TRPM3: variants seen among roughly 807,000 people sequenced by gnomAD.
TRPM3 encodes long transient receptor potential channel 3.
In TRPM3, 77 loss-of-function variants were observed where a neutral mutation model predicts 181.2. The observed-to-expected ratio is 0.42, with a 90% CI of 0.35 to 0.51. The LOEUF (loss-of-function observed/expected upper bound fraction) is 0.51. Among genes scored for constraint, TRPM3 ranks in the 20% least tolerant of loss-of-function variants. The probability of loss-of-function intolerance (pLI) is 0.01; values close to 1 mark genes in which losing one functional copy is unlikely to be tolerated. For missense variants in TRPM3, 1,759 were observed against 2,196.7 expected, an observed-to-expected ratio of 0.80 and a Z score of 3.98; for synonymous variants, 745 against 796.4, an observed-to-expected ratio of 0.94 and a Z score of 1.09.
chr9:71,152,267 G>A (rs980861980), intron 1 of TRPM3, among the ~76,000 whole-genome samples: 2 of 152,080 alleles, frequency 1.3e-5, no homozygotes, highest in Non-Finnish European at 2.9e-5. Context: ...TAAAAACCAA[G>A]TCACTTGAGA....
Position 71,080,621 on chromosome 9 carries a change from AT to A in TRPM3, c.177+40556del, listed in dbSNP as rs1287342839. Among the ~76,000 whole-genome samples, 6 of 152,024 alleles carry A rather than the reference AT, an allele frequency of 3.9e-5. No individual in the cohort carries two copies. The East Asian group carries it at 1.2e-3, about 29-fold the overall frequency. ...ATCTCCCACTGCCTCCTTGGGATGA[AT>A]TCCTGGTCATCCCCAACTCCAACTC... On this transcript the variant is annotated intron_variant, in intron 1 of 25. Transcript: ENST00000677713.
intron 1 of TRPM3, among the ~76,000 whole-genome samples, chr9:71,155,640 C>A (rs1042299825): frequency 2.6e-5 from 4 of 151,970 alleles, no homozygotes; most frequent in Non-Finnish European, 5.9e-5. Context: ...CAGGCCTGAG[C>A]CACTGTGCCT....
chr9:70,677,352 G>A (rs1031771112), intron 9 of TRPM3, among the ~76,000 whole-genome samples: 1 of 152,232 alleles, frequency 6.6e-6, no homozygotes, highest in Non-Finnish European at 1.5e-5. Context: ...GCTAATCTAA[G>A]CACACTGCCT....
intron 25 of TRPM3, among the ~76,000 whole-genome samples, chr9:70,538,556 G>A (rs2042400704): frequency 6.6e-6 from 1 of 152,102 alleles, no homozygotes; most frequent in Non-Finnish European, 1.5e-5. Context: ...AGCCTCTCTA[G>A]TAGCTGGGAC....
chr9:71,295,686 C>T (rs2086203232), intron 1 of TRPM3, among the ~76,000 whole-genome samples: 1 of 151,508 alleles, frequency 6.6e-6, no homozygotes, highest in Admixed American at 6.6e-5. Flanking sequence ...AGTAAATAAA[C>T]AAGCAATCTT....
intron 1 of TRPM3, among the ~76,000 whole-genome samples, chr9:71,236,171 G>A (rs1432617983): frequency 3.3e-5 from 5 of 152,200 alleles, no homozygotes; most frequent in African/African-American, 9.7e-5. Flanking sequence ...TCTATTGTGT[G>A]TTGTGGAAAT....
intron 1 of TRPM3, among the ~76,000 whole-genome samples, chr9:71,243,830 A>T (rs2131980215): frequency 6.6e-6 from 1 of 152,366 alleles, no homozygotes; most frequent in Middle Eastern, 3.4e-3. Context: ...AGTTATAAAC[A>T]AAGCCAATGG....
intron 1 of TRPM3, among the ~76,000 whole-genome samples, chr9:70,907,335 G>A (rs2096481484): frequency 6.6e-6 from 1 of 152,094 alleles, no homozygotes; most frequent in Non-Finnish European, 1.5e-5. Flanking sequence ...AACTTTTCAC[G>A]GTCTATGTAG....
At chr9:70,887,495 A>G (rs1331886173) in intron 1 of TRPM3, among the ~76,000 whole-genome samples, 1 of 152,186 alleles carries the variant, frequency 6.6e-6, no homozygotes, top group African/African-American at 2.4e-5. Context: ...CAAATTTAAT[A>G]AGTAAAATTT....
intron 6 of TRPM3, among the ~76,000 whole-genome samples, chr9:70,807,257 C>T (rs974563888): frequency 1.3e-5 from 2 of 152,142 alleles, no homozygotes; most frequent in African/African-American, 4.8e-5. Flanking sequence ...ACTGAGGCCA[C>T]GGTGCACTGG....
intron 1 of TRPM3, among the ~76,000 whole-genome samples, chr9:71,040,887 G>A (rs1327832982): frequency 6.6e-6 from 1 of 152,062 alleles, no homozygotes; most frequent in African/African-American, 2.4e-5. Flanking sequence ...AAACTGTCCA[G>A]TACTCTTTAA....
At chr9:71,035,785 G>A (rs1241053425) in intron 1 of TRPM3, among the ~76,000 whole-genome samples, 1 of 151,954 alleles carries the variant, frequency 6.6e-6, no homozygotes, top group Non-Finnish European at 1.5e-5. Context: ...CTTTTACTGG[G>A]ACTTGCTGTA....
chr9:71,301,000 C>T (rs374041449), intron 1 of TRPM3, among the ~76,000 whole-genome samples: 12 of 152,052 alleles, frequency 7.9e-5, no homozygotes, highest in South Asian at 4.1e-4. Context: ...GCTATTAAAC[C>T]GAGGCTTCAT....
intron 1 of TRPM3, among the ~76,000 whole-genome samples, chr9:71,253,947 G>A (rs887742297): frequency 6.6e-6 from 1 of 152,144 alleles, no homozygotes; most frequent in Admixed American, 6.5e-5. Flanking sequence ...TTGAGATGGA[G>A]TCTTGCTCTG....
rs2094958482 is a variant in TRPM3, at chr9:70,846,487, G to A, written c.567C>T (p.Gly189=). 2 of 1,614,036 alleles carry A rather than the reference G, an allele frequency of 1.2e-6. No individual in the cohort carries two copies. The highest frequency in any genetic ancestry group is 1.7e-6 in the Non-Finnish European group (2 of 1,180,000). Residue 189 remains glycine (G), a synonymous_variant, in exon 4 of 26, where the codon GGC becomes GGT. Transcript: ENST00000677713. The stretch of plus-strand genomic sequence containing the variant: ...TTGGCTGGAGTTCAAAGTTCTGCAG[G>A]CCCCCATGGACAGAGATGAGAAGCT... ...LPKLLISVHG[G]LQNFELQPKL...
intron 9 of TRPM3, among the ~76,000 whole-genome samples, chr9:70,656,999 T>C (rs2060442052): frequency 6.6e-6 from 1 of 151,702 alleles, no homozygotes; most frequent in African/African-American, 2.4e-5. Context: ...GTAAATGTAG[T>C]CCTAGAATAA....
chr9:70,896,968 A>G (rs1229443711), intron 1 of TRPM3, among the ~76,000 whole-genome samples: 1 of 133,932 alleles, frequency 7.5e-6, no homozygotes, highest in Non-Finnish European at 1.6e-5. Context: ...TTATTGACAC[A>G]TAAGAGTTAT....
At chr9:70,973,633 A>G (rs1053174088) in intron 1 of TRPM3, among the ~76,000 whole-genome samples, 5 of 152,324 alleles carry the variant, frequency 3.3e-5, no homozygotes, top group Non-Finnish European at 7.4e-5. Flanking sequence ...TCATGTCAGT[A>G]GTATCAAATC....
intron 1 of TRPM3, among the ~76,000 whole-genome samples, chr9:70,945,888 T>G (rs1589978678): frequency 6.6e-6 from 1 of 151,906 alleles, no homozygotes; most frequent in Admixed American, 6.6e-5. Context: ...ACCTGCAGGG[T>G]GTTGAGGACA....
Sources: gnomAD v4.1 joint callset for allele counts (sites outside exome capture counted in the v4.1 genomes callset) on GRCh38, gnomAD v4.1.1 for gene constraint, MANE v1.5 for transcripts, NCBI Gene and HGNC (gene_info 2026-07-23, HGNC 2026-07-21) for gene names.